The following LHPP variants were observed in gnomAD, a reference collection of about 807,000 sequenced individuals.
LHPP encodes hLHPP.
In LHPP, 24 loss-of-function variants were observed where a neutral mutation model predicts 30.3. That is an observed-to-expected ratio of 0.79 (90% CI 0.57 to 1.11). The LOEUF is 1.11. Ranked by LOEUF, LHPP falls within the 50% of genes most tolerant of loss-of-function variation. LHPP has a pLI of 0.00. For synonymous variants in LHPP, 150 were observed against 157.1 expected, an observed-to-expected ratio of 0.95 and a Z score of 0.34; for missense variants, 356 against 367.2, an observed-to-expected ratio of 0.97 and a Z score of 0.25.
Position 124,517,431 on chromosome 10 carries a change from C to T in LHPP, c.716+160C>T, listed in dbSNP as rs1040200079. The stretch of plus-strand genomic sequence containing the variant: ...ATGTAATGGACCTCTAAGAACAGGG[C>T]TGAGTGGTCTTTTATAGCAGACAGT... On this transcript the variant is annotated intron_variant, in intron 6 of 6. Coordinates refer to ENST00000368842, the MANE Select transcript of LHPP (RefSeq NM_022126.4). The surrounding 1 kb of genome is among the most constrained non-coding windows in gnomAD (Gnocchi z 4.1). 6.3e-6 allele frequency: 3 copies of T among 474,226 alleles called. No homozygotes were observed. The highest frequency in any genetic ancestry group is 4.0e-5 in the African/African-American group (2 of 49,666). 29.4% of individuals were successfully genotyped at this position (474,226 alleles called of 1,614,324 possible). A position where few individuals can be genotyped will look rare whatever the true frequency, so the allele number is the denominator to read the frequency against.
intron 6 of LHPP, among the ~76,000 whole-genome samples, chr10:124,544,022 T>C (rs1955269950): frequency 6.6e-6 from 1 of 152,218 alleles, no homozygotes. Context: ...CCTGGGACAG[T>C]GATTGTGCCT....
At position 124,541,442 on chromosome 10, in the gene LHPP, G is replaced by T. The variant is rs1955186525; in HGVS notation, c.716+24171G>T. On this transcript the variant is annotated intron_variant, in intron 6 of 6. Transcript: ENST00000368842. The surrounding 1 kb of genome is among the most constrained non-coding windows in gnomAD (Gnocchi z 4.2). ...CACATGGGATGCAGTTCCTGAGGTG[G>T]CAGAAGAGCCAGCCTCTGCTAGCCC... Among the ~76,000 whole-genome samples the T allele has an allele frequency of 6.6e-6, 1 of 152,198 alleles. No homozygotes were observed. The highest frequency in any genetic ancestry group is 2.4e-5 in the African/African-American group (1 of 41,456).
At chr10:124,500,733 A>C (rs907816954) in intron 5 of LHPP, among the ~76,000 whole-genome samples, 2 of 151,920 alleles carry the variant, frequency 1.3e-5, no homozygotes. Context: ...ATAGTTAAAA[A>C]AAAAAATAGA....
intron 6 of LHPP, among the ~76,000 whole-genome samples, chr10:124,538,559 G>T (rs1030033356): frequency 2.0e-5 from 3 of 152,146 alleles, no homozygotes; most frequent in Admixed American, 6.5e-5. Context: ...CCCCCTGCCC[G>T]CTGTGGCCCC....
At chr10:124,599,129 A>G (rs902200935) in intron 6 of LHPP, among the ~76,000 whole-genome samples, 2 of 148,924 alleles carry the variant, frequency 1.3e-5, no homozygotes, top group Admixed American at 6.6e-5. Context: ...CCATCCATCC[A>G]TGTCCATCCA....
intron 6 of LHPP, among the ~76,000 whole-genome samples, chr10:124,583,679 C>T (rs36096707): frequency 0.18 from 27,482 of 152,030 alleles, 2,644 homozygotes; most frequent in Non-Finnish European, 0.2. Flanking sequence ...CCGTATACTT[C>T]TAAATGACCA....
rs1345534073 is a variant in LHPP at position 124,590,769 on chromosome 10, C to A, written c.717-22495C>A. On this transcript the variant is annotated intron_variant, in intron 6 of 6. Transcript: ENST00000368842. The surrounding 1 kb of genome is among the most constrained non-coding windows in gnomAD (Gnocchi z 4.3). ...CCACCGAGGGAAGCCATGTCGCCTT[C>A]CTGAGCCTGCTTCTCTGTCCACAAA... Among the ~76,000 whole-genome samples, 2 of 152,236 alleles carry A rather than the reference C, an allele frequency of 1.3e-5. No homozygotes were observed. Among genetic ancestry groups the A allele is most frequent in the Non-Finnish European group, 2.9e-5 (2 of 68,038 alleles).
intron 6 of LHPP, among the ~76,000 whole-genome samples, chr10:124,605,884 G>A (rs1949085583): frequency 6.6e-6 from 1 of 152,154 alleles, no homozygotes; most frequent in African/African-American, 2.4e-5. Context: ...TTCAGCAGAA[G>A]ACCTCCTGCC....
chr10:124,472,387 G>A (rs953791501), intron 1 of LHPP, among the ~76,000 whole-genome samples: 2 of 152,164 alleles, frequency 1.3e-5, no homozygotes, highest in African/African-American at 4.8e-5. Flanking sequence ...GTGAGTGCTG[G>A]AAGCGAGCTT....
chr10:124,565,787 A>G (rs1355455575), intron 6 of LHPP, among the ~76,000 whole-genome samples: 1 of 152,242 alleles, frequency 6.6e-6, no homozygotes, highest in Non-Finnish European at 1.5e-5. Context: ...TCAAGGTCAC[A>G]GGAAGGCAGG....
rs1953012746 is a variant in LHPP, at chr10:124,478,255, T to C, written c.126-5884T>C. 6.6e-6 allele frequency among the ~76,000 whole-genome samples: 1 copy of C among 152,154 alleles called. No individual in the cohort carries two copies. Among genetic ancestry groups the C allele is most frequent in the Admixed American group, 6.5e-5 (1 of 15,284 alleles). On this transcript the variant is annotated intron_variant, in intron 1 of 6. Transcript: ENST00000368842. The surrounding 1 kb of genome is among the most constrained non-coding windows in gnomAD (Gnocchi z 4.7). ...GGGGCCTCCAGGAGGAAGAGGTGTA[T>C]GAACCCTGCTTTGTAGGATGATCAG...
At chr10:124,498,420 A>G (rs1389803599) in intron 5 of LHPP, 11 of 1,537,484 alleles carry the variant, frequency 7.2e-6, no homozygotes, top group Middle Eastern at 3.4e-4. Flanking sequence ...GACAAGTCCT[A>G]TCAGTGTGTT....
Position 124,574,542 on chromosome 10 carries a change from A to G in LHPP, c.717-38722A>G, listed in dbSNP as rs371362944. Among the ~76,000 whole-genome samples, 19 of 152,326 alleles carry G rather than the reference A, an allele frequency of 1.2e-4. No homozygotes were observed. The South Asian group carries it at 2.9e-3, about 23-fold the overall frequency. On this transcript the variant is annotated intron_variant, in intron 6 of 6. Transcript: ENST00000368842. Reference sequence around the variant, plus strand: ...AGCTTCAGACCTGGAGCCTGCTCCCAGGGCCGATCTGAACCCGGCACCTGT... The same window carrying G: ...AGCTTCAGACCTGGAGCCTGCTCCCGGGGCCGATCTGAACCCGGCACCTGT...
In LHPP at chr10:124,596,123, G is replaced by A. The variant is rs183791515; in HGVS notation, c.717-17141G>A. On this transcript the variant is annotated intron_variant, in intron 6 of 6. Coordinates refer to ENST00000368842, the MANE Select transcript of LHPP (RefSeq NM_022126.4). This position sits in a 1 kb window ranked among gnomAD's most constrained non-coding sequence, Gnocchi z 4.6. Reference sequence around the variant, plus strand: ...GCATCCGTGGGTGATGTTTCATCACGAGGCTGGACCACGATGTGTTTATCA... The same window carrying A: ...GCATCCGTGGGTGATGTTTCATCACAAGGCTGGACCACGATGTGTTTATCA... Among the ~76,000 whole-genome samples the A allele has an allele frequency of 1.4e-4, 21 of 152,248 alleles. No individual in the cohort carries two copies. The East Asian group carries it at 2.9e-3, about 21-fold the overall frequency.
intron 6 of LHPP, among the ~76,000 whole-genome samples, chr10:124,525,196 T>C (rs1954702379): frequency 6.6e-6 from 1 of 152,208 alleles, no homozygotes; most frequent in African/African-American, 2.4e-5. Context: ...CATCGTGTCC[T>C]CTGTGGCTCC....
At chr10:124,558,801 A>G in intron 6 of LHPP, among the ~76,000 whole-genome samples, 1 of 152,254 alleles carries the variant, frequency 6.6e-6, no homozygotes, top group East Asian at 1.9e-4. Flanking sequence ...AAACAAAACT[A>G]GGAGCCATCC....
At chr10:124,601,217 G>A (rs992252616) in intron 6 of LHPP, among the ~76,000 whole-genome samples, 3 of 152,190 alleles carry the variant, frequency 2.0e-5, no homozygotes, top group Admixed American at 6.5e-5. Flanking sequence ...GAGAATAGTG[G>A]GAGTGTGGCA....
chr10:124,538,081 G>A (rs1434247280), intron 6 of LHPP, among the ~76,000 whole-genome samples: 6 of 151,910 alleles, frequency 3.9e-5, no homozygotes, highest in East Asian at 1.9e-4. Flanking sequence ...TCCCACCTGC[G>A]GGGCCCGCCA....
chr10:124,612,352 C>T (rs1949213573), intron 6 of LHPP, among the ~76,000 whole-genome samples: 1 of 152,144 alleles, frequency 6.6e-6, no homozygotes, highest in South Asian at 2.1e-4. Context: ...TTGCAGTGAG[C>T]CAAGATCGCA....
Sources: allele counts gnomAD v4.1 joint callset (sites outside exome capture counted in the v4.1 genomes callset), GRCh38; gene constraint gnomAD v4.1.1; non-coding constraint Gnocchi (gnomAD v3.1); transcripts MANE v1.5; gene names NCBI Gene and HGNC (gene_info 2026-07-23, HGNC 2026-07-21).